The following PCDHA4 variants were observed in gnomAD, a reference collection of about 807,000 sequenced individuals.
PCDHA4 encodes protocadherin alpha-4.
A neutral mutation model predicts 61.4 loss-of-function variants in PCDHA4; 49 were observed. The observed-to-expected ratio is 0.80, with a 90% CI of 0.63 to 1.01. The LOEUF (loss-of-function observed/expected upper bound fraction) is 1.01. Ranked by LOEUF, PCDHA4 falls within the 50% of genes least tolerant of loss-of-function variation. The pLI, the probability that PCDHA4 is intolerant of heterozygous loss-of-function variation, is 0.00. For synonymous variants in PCDHA4, 590 were observed against 550.3 expected (o/e 1.07, Z -1.01); for missense variants, 1,254 against 1,235.8 (o/e 1.01, Z -0.22).
At chr5:140,986,899 C>G (rs2097217128) in intron 3 of PCDHA4, among the ~76,000 whole-genome samples, 1 of 152,072 alleles carries the variant, frequency 6.6e-6, no homozygotes, top group African/African-American at 2.4e-5. Flanking sequence ...AGGCCCTATC[C>G]TAGACTAATG....
chr5:140,835,862 G>A, intron 1 of PCDHA4: 1 of 1,612,116 alleles, frequency 6.2e-7, no homozygotes, highest in Non-Finnish European at 8.5e-7. Context: ...TGTCCTACTC[G>A]CTGGTGGAGC....
In PCDHA4 at chr5:140,842,642, T is replaced by G. The variant is rs1554139236; in HGVS notation, c.2385+33070T>G. Reference sequence around the variant, plus strand: ...GCCTTCGCTGTGGGCCACCGCCAGCTTGTCTGTGGAGGTGGCCGACGTGAA... The same window carrying G: ...GCCTTCGCTGTGGGCCACCGCCAGCGTGTCTGTGGAGGTGGCCGACGTGAA... On this transcript the variant is annotated intron_variant, in intron 1 of 3. Transcript: ENST00000530339. 4.4e-6 allele frequency: 7 copies of G among 1,594,996 alleles called. 1 individual carries two copies. The Admixed American group carries it at 5.1e-5, about 12-fold the overall frequency.
At chr5:140,812,368 C>A (rs1562235048) in intron 1 of PCDHA4, 1 of 151,842 alleles carries the variant, frequency 6.6e-6, no homozygotes, top group East Asian at 1.9e-4. Flanking sequence ...GACTTCCAGT[C>A]TTTTTGTTTT....
Position 141,010,353 on chromosome 5 carries a change from G to A in PCDHA4, c.*416G>A. On this transcript the variant is annotated 3_prime_UTR_variant, in exon 4 of 4. Transcript: ENST00000530339. ...AGTTTGTGGCCACTGGGTATGTGTG[G>A]CTACCGCGGGTATGCGAGTGCCAGA... is the stretch of plus-strand genomic sequence containing the variant. 1.3e-6 allele frequency: 2 copies of A among 1,507,486 alleles called. No individual in the cohort carries two copies. Among genetic ancestry groups the A allele is most frequent in the Non-Finnish European group, 1.8e-6 (2 of 1,128,244 alleles). The allele number at this position is 1,507,486 out of a possible 1,614,324, so 93.4% of individuals were successfully genotyped here. A position where few individuals can be genotyped will look rare whatever the true frequency, so the allele number is the denominator to read the frequency against.
At chr5:140,830,341 C>T (rs1554132760) in intron 1 of PCDHA4, 11 of 1,613,972 alleles carry the variant, frequency 6.8e-6, no homozygotes, top group Admixed American at 1.7e-5. Flanking sequence ...GCTGGTCGTA[C>T]TCGCAGCAGA....
chr5:140,841,805 G>A, intron 1 of PCDHA4: 1 of 1,613,936 alleles, frequency 6.2e-7, no homozygotes, highest in Non-Finnish European at 8.5e-7. Flanking sequence ...CGATGCAGAT[G>A]TTGGAGCTAA....
chr5:140,896,228 G>C (rs567886194), intron 1 of PCDHA4, among the ~76,000 whole-genome samples: 1 of 152,298 alleles, frequency 6.6e-6, no homozygotes, highest in South Asian at 2.1e-4. Context: ...CTTTATAGTA[G>C]AATGACTTAT....
At chr5:140,929,034 C>A in intron 1 of PCDHA4, 4 of 1,614,158 alleles carry the variant, frequency 2.5e-6, no homozygotes, top group Non-Finnish European at 3.4e-6. Flanking sequence ...CAGGCTGTTG[C>A]GCTCAGAGCT....
chr5:141,004,809 C>A (rs1319049687), intron 3 of PCDHA4, among the ~76,000 whole-genome samples: 1 of 152,144 alleles, frequency 6.6e-6, no homozygotes. Context: ...AGCTCAATTG[C>A]AGATTTGATT....
Position 140,843,067 on chromosome 5 carries a change from G to A in PCDHA4, c.2385+33495G>A, listed in dbSNP as rs143344890. 15 of 1,595,152 alleles carry A rather than the reference G, an allele frequency of 9.4e-6. 1 individual carries two copies. The African/African-American group carries it at 2.0e-4, about 21-fold the overall frequency. ...GTGGCGCAGCGAGCAAGCTGGTGCC[G>A]CGGTCTGTGGGCGCGGGCCACGTGG... On this transcript the variant is annotated intron_variant, in intron 1 of 3. Coordinates refer to ENST00000530339, the MANE Select transcript of PCDHA4 (RefSeq NM_018907.4).
chr5:140,834,723 CT>C, intron 1 of PCDHA4: 1 of 1,614,276 alleles, frequency 6.2e-7, no homozygotes, highest in South Asian at 1.1e-5. Flanking sequence ...GGAAAGGCCG[CT>C]GCAGGTTTTC....
chr5:140,823,367 A>G (rs2150125075), intron 1 of PCDHA4: 2 of 1,612,856 alleles, frequency 1.2e-6, no homozygotes, highest in Non-Finnish European at 1.7e-6. Flanking sequence ...GAGCTGCTGC[A>G]GTTCCAGGTG....
At chr5:140,871,014 C>G (rs1554164974) in intron 1 of PCDHA4, 1 of 1,613,178 alleles carries the variant, frequency 6.2e-7, no homozygotes, top group East Asian at 2.2e-5. Context: ...GTGCCCTGGA[C>G]GAGGCAGACT....
Position 141,012,131 on chromosome 5 carries a change from G to A in PCDHA4, c.*2194G>A, listed in dbSNP as rs1214098938. The A allele has an allele frequency of 1.3e-5, 2 of 153,688 alleles. No individual in the cohort carries two copies. The highest frequency in any genetic ancestry group is 2.9e-5 in the Non-Finnish European group (2 of 68,026). 9.5% of individuals were successfully genotyped at this position (153,688 alleles called of 1,614,324 possible). A position where few individuals can be genotyped will look rare whatever the true frequency, so the allele number is the denominator to read the frequency against. ...CTGAAGCCCATGTATCTGACCTTAC[G>A]TGCCTTTTGAACTAGGAGAATCGGG... On this transcript the variant is annotated 3_prime_UTR_variant, in exon 4 of 4. Transcript: ENST00000530339.
intron 1 of PCDHA4, among the ~76,000 whole-genome samples, chr5:140,947,353 A>G (rs1041468487): frequency 4.6e-5 from 7 of 151,616 alleles, no homozygotes; most frequent in African/African-American, 1.7e-4. Context: ...TCTGGACTCT[A>G]TTTCACTCCT....
At chr5:140,860,323 G>A (rs782283348) in intron 1 of PCDHA4, 1 of 152,078 alleles carries the variant, frequency 6.6e-6, no homozygotes, top group African/African-American at 2.4e-5. Context: ...TGAGGCTGCA[G>A]TGACCCATGA....
chr5:140,958,077 A>G (rs2095408004), intron 1 of PCDHA4, among the ~76,000 whole-genome samples: 2 of 152,124 alleles, frequency 1.3e-5, no homozygotes, highest in South Asian at 4.1e-4. Flanking sequence ...AGAAGCAAAA[A>G]GTAAAGTTGT....
intron 1 of PCDHA4, chr5:140,968,393 C>T (rs747934843): frequency 1.8e-5 from 29 of 1,613,976 alleles, no homozygotes; most frequent in East Asian, 2.2e-5. Context: ...TGAGAAGTTT[C>T]GGGAGTTCTT....
At chr5:140,927,716 G>T (rs782756674) in intron 1 of PCDHA4, 1 of 1,614,190 alleles carries the variant, frequency 6.2e-7, no homozygotes, top group South Asian at 1.1e-5. Context: ...CTAAGCAACA[G>T]CACGCAAGCA....
Sources: gnomAD v4.1 joint callset for allele counts (sites outside exome capture counted in the v4.1 genomes callset) on GRCh38, gnomAD v4.1.1 for gene constraint, MANE v1.5 for transcripts, NCBI Gene and HGNC (gene_info 2026-07-23, HGNC 2026-07-21) for gene names.